ST7: variants seen among roughly 807,000 people sequenced by gnomAD.
The protein encoded by ST7 is suppressor of tumorigenicity 7 protein.
In ST7, 28 loss-of-function variants were observed where a neutral mutation model predicts 78.7. That is an observed-to-expected ratio of 0.36 (90% confidence interval 0.26 to 0.49). The LOEUF is 0.49. ST7 is among the 20% of genes least tolerant of loss of function. The probability of loss-of-function intolerance (pLI) is 0.99; values close to 1 mark genes in which losing one functional copy is unlikely to be tolerated. For missense variants in ST7, 418 were observed against 696.0 expected (o/e 0.60, Z 4.49); for synonymous variants, 247 against 249.6 (o/e 0.99, Z 0.10).
In ST7 at chr7:117,224,947, G is replaced by A. The variant is rs552843500; in HGVS notation, c.1638+2885G>A. ...CTTGGAATCATCGAAAAACTTAAAAGTTACTGAGGCCTGTCCCCACAACCG... is the reference window on the plus strand; with the variant it reads ...CTTGGAATCATCGAAAAACTTAAAAATTACTGAGGCCTGTCCCCACAACCG... On this transcript the variant is annotated intron_variant, in intron 15 of 15. Transcript: ENST00000323984. Among the ~76,000 whole-genome samples the A allele has an allele frequency of 2.6e-5, 4 of 152,290 alleles. No individual in the cohort carries two copies. The South Asian group carries it at 8.3e-4, about 32-fold the overall frequency.
intron 9 of ST7, among the ~76,000 whole-genome samples, chr7:117,149,045 T>G (rs2117141050): frequency 6.6e-6 from 1 of 152,298 alleles, no homozygotes; most frequent in Middle Eastern, 3.4e-3. Context: ...GGTTTCCCTT[T>G]TAAATAATCA....
intron 13 of ST7, among the ~76,000 whole-genome samples, chr7:117,210,591 A>G (rs1033103613): frequency 6.6e-6 from 1 of 152,230 alleles, no homozygotes; most frequent in African/African-American, 2.4e-5. Flanking sequence ...AGGAACCAGC[A>G]GCACGTGGCA....
At chr7:117,037,105 G>C (rs536639981) in intron 1 of ST7, among the ~76,000 whole-genome samples, 1 of 152,158 alleles carries the variant, frequency 6.6e-6, no homozygotes, top group Non-Finnish European at 1.5e-5. Flanking sequence ...ATGGACAACC[G>C]GAGCAGTTGC....
intron 9 of ST7, among the ~76,000 whole-genome samples, chr7:117,141,274 C>T (rs1433476321): frequency 6.6e-6 from 1 of 151,982 alleles, no homozygotes; most frequent in Admixed American, 6.6e-5. Context: ...GAATGCCTTC[C>T]ATGTAGAAAG....
intron 9 of ST7, among the ~76,000 whole-genome samples, chr7:117,164,668 A>G (rs918709584): frequency 6.6e-6 from 1 of 152,246 alleles, no homozygotes; most frequent in Non-Finnish European, 1.5e-5. Context: ...CACAATACAA[A>G]GATGATACAA....
intron 9 of ST7, among the ~76,000 whole-genome samples, chr7:117,141,851 G>A (rs1805334427): frequency 6.6e-6 from 1 of 151,798 alleles, no homozygotes; most frequent in Non-Finnish European, 1.5e-5. Flanking sequence ...TGTATTTTTT[G>A]TAGAGACTGG....
intron 3 of ST7, among the ~76,000 whole-genome samples, chr7:117,125,040 A>ATT (rs1359154138): frequency 6.6e-6 from 1 of 152,150 alleles, no homozygotes; most frequent in African/African-American, 2.4e-5. Context: ...GCTCTCTAAT[A>ATT]GTCTTAATGA....
chr7:117,052,085 AG>A (rs1024362161), intron 1 of ST7, among the ~76,000 whole-genome samples: 13 of 152,190 alleles, frequency 8.5e-5, no homozygotes, highest in African/African-American at 3.1e-4. Context: ...TAAAAGCGTT[AG>A]TGTCCAAGGC....
At chr7:116,974,292 CTT>C (rs888429847) in intron 1 of ST7, among the ~76,000 whole-genome samples, 6 of 143,894 alleles carry the variant, frequency 4.2e-5, no homozygotes, top group Admixed American at 6.9e-5. Context: ...CTTTTCTTTT[CTT>C]TTTTTTTTTT....
chr7:117,229,265 C>T (rs913791699), intron 15 of ST7, among the ~76,000 whole-genome samples: 1 of 152,190 alleles, frequency 6.6e-6, no homozygotes, highest in African/African-American at 2.4e-5. Context: ...AAGGAGCCCA[C>T]GCTGGTGTCT....
chr7:117,223,258 G>T, intron 15 of ST7: 1 of 431,956 alleles, frequency 2.3e-6, no homozygotes. Flanking sequence ...CTGAACTCCT[G>T]CCATAGTCTT....
intron 1 of ST7, among the ~76,000 whole-genome samples, chr7:117,034,620 C>G (rs1327878355): frequency 1.3e-5 from 2 of 152,170 alleles, no homozygotes; most frequent in Non-Finnish European, 2.9e-5. Flanking sequence ...TAAGGAGACT[C>G]TAAATACTAA....
At chr7:117,097,908 A>ATATATATATATATATATTTT in intron 1 of ST7, among the ~76,000 whole-genome samples, 5 of 30,012 alleles carry the variant, frequency 1.7e-4, no homozygotes, top group African/African-American at 4.8e-4. Flanking sequence ...ATATATATAT[A>ATATATATATATATATATTTT]TTTTTTTTTT....
chr7:117,129,746 T>A, intron 3 of ST7, 47 bp from the exon 4 acceptor site: 2 of 1,437,860 alleles, frequency 1.4e-6, no homozygotes, highest in East Asian at 4.6e-5. Context: ...TAGCTTGTAG[T>A]GTCACTGAAC....
chr7:117,153,405 T>C (rs946325294), intron 9 of ST7, among the ~76,000 whole-genome samples: 1 of 151,868 alleles, frequency 6.6e-6, no homozygotes, highest in African/African-American at 2.4e-5. Flanking sequence ...GTGATTTAGA[T>C]AGTGAGTGAA....
chr7:117,129,701 A>G, intron 3 of ST7, 92 bp from the exon 4 acceptor site: 1 of 985,294 alleles, frequency 1.0e-6, no homozygotes. Flanking sequence ...GAATTATCTT[A>G]TCAAATGGCA....
chr7:117,051,847 TG>T (rs898115311), intron 1 of ST7, among the ~76,000 whole-genome samples: 1 of 152,116 alleles, frequency 6.6e-6, no homozygotes, highest in Non-Finnish European at 1.5e-5. Context: ...ATGAGATGGA[TG>T]GGAGTGCCAT....
At chr7:116,959,858 G>A (rs1411687789) in intron 1 of ST7, 1 of 152,110 alleles carries the variant, frequency 6.6e-6, no homozygotes, top group Non-Finnish European at 1.5e-5. Flanking sequence ...TAAAATAATG[G>A]CTTTACATTC....
chr7:117,120,160 G>T lies in ST7; in HGVS notation c.394+440G>T, dbSNP rs187845306. The stretch of plus-strand genomic sequence containing the variant: ...GTCTAGACTGGTCTCAAACTCCTGG[G>T]CTCAAGTAATCTGCCCGCCTTGGCC... On this transcript the variant is annotated intron_variant, in intron 3 of 15. Coordinates refer to ENST00000323984, the MANE Select transcript of ST7 (RefSeq NM_001369598.1). Among the ~76,000 whole-genome samples the T allele has an allele frequency of 2.0e-5, 3 of 152,148 alleles. No homozygotes were observed. In the East Asian group the frequency reaches 5.8e-4, roughly 29 times the overall value.
Sources: allele counts gnomAD v4.1 joint callset (sites outside exome capture counted in the v4.1 genomes callset), GRCh38; gene constraint gnomAD v4.1.1; transcripts MANE v1.5; gene names NCBI Gene and HGNC (gene_info 2026-07-23, HGNC 2026-07-21).